The following CLYBL variants were observed in gnomAD, a reference collection of about 807,000 sequenced individuals.
The protein encoded by CLYBL is citramalyl-CoA lyase.
A neutral mutation model predicts 38.9 loss-of-function variants in CLYBL; 31 were observed. The observed-to-expected ratio is 0.80, with a 90% CI of 0.60 to 1.08. The LOEUF (loss-of-function observed/expected upper bound fraction) is 1.08. Among genes scored for constraint, CLYBL ranks in the 50% least tolerant of loss-of-function variants. CLYBL has a pLI of 0.00. For missense variants in CLYBL, 434 were observed against 411.6 expected (o/e 1.05, Z -0.47); for synonymous variants, 171 against 158.6 (o/e 1.08, Z -0.59).
chr13:99,627,568 T>C (rs2046888112), intron 1 of CLYBL, among the ~76,000 whole-genome samples: 1 of 152,248 alleles, frequency 6.6e-6, no homozygotes, highest in African/African-American at 2.4e-5. Flanking sequence ...AAGCCACTTA[T>C]GTGGCATTTT....
At chr13:99,754,427 A>AAAAAAAAAAC (rs1317476376) in intron 1 of CLYBL, among the ~76,000 whole-genome samples, 1 of 150,180 alleles carries the variant, frequency 6.7e-6, no homozygotes, top group Non-Finnish European at 1.5e-5. Context: ...AAAAAAAAAA[A>AAAAAAAAAAC]AAAAAAAAAA....
chr13:99,838,667 A>G (rs1789851139), intron 2 of CLYBL, among the ~76,000 whole-genome samples: 1 of 152,178 alleles, frequency 6.6e-6, no homozygotes, highest in African/African-American at 2.4e-5. Context: ...ACGGAGTCTC[A>G]TGCTGTCACC....
At chr13:99,800,197 G>T (rs12875247) in intron 2 of CLYBL, among the ~76,000 whole-genome samples, 49,545 of 152,058 alleles carry the variant, frequency 0.33, 8,932 homozygotes, top group Middle Eastern at 0.44. Context: ...GGAGTCTGGG[G>T]CTCAGGGCCA....
intron 2 of CLYBL, among the ~76,000 whole-genome samples, chr13:99,805,845 C>T (rs1369050815): frequency 6.6e-6 from 1 of 152,142 alleles, no homozygotes; most frequent in Non-Finnish European, 1.5e-5. Context: ...TTTTCCTTTG[C>T]TCCCTTTGCA....
chr13:99,765,103 A>G (rs1322832917), intron 1 of CLYBL, among the ~76,000 whole-genome samples: 1 of 148,158 alleles, frequency 6.7e-6, no homozygotes, highest in Non-Finnish European at 1.5e-5. Context: ...ATAACTCAAT[A>G]TTTAGTGTTT....
intron 2 of CLYBL, among the ~76,000 whole-genome samples, chr13:99,776,513 T>G (rs1411473234): frequency 5.5e-5 from 4 of 73,174 alleles, no homozygotes; most frequent in South Asian, 4.3e-4. Flanking sequence ...AAAAGTTGTT[T>G]TTTTTTTTTT....
At chr13:99,754,208 G>A (rs1175893375) in intron 1 of CLYBL, among the ~76,000 whole-genome samples, 1 of 150,640 alleles carries the variant, frequency 6.6e-6, no homozygotes, top group Non-Finnish European at 1.5e-5. Flanking sequence ...CCAGGAGTTC[G>A]AGACCAGCCT....
At chr13:99,752,746 A>G (rs2048981026) in intron 1 of CLYBL, among the ~76,000 whole-genome samples, 1 of 151,722 alleles carries the variant, frequency 6.6e-6, no homozygotes, top group African/African-American at 2.4e-5. Flanking sequence ...CAAAGGCCCC[A>G]CCTGCAGTAT....
chr13:99,678,122 A>G (rs2047680980), intron 1 of CLYBL, among the ~76,000 whole-genome samples: 1 of 152,258 alleles, frequency 6.6e-6, no homozygotes. Context: ...GGTAATGCAG[A>G]GTAAAAGGCA....
intron 1 of CLYBL, among the ~76,000 whole-genome samples, chr13:99,713,307 A>G: frequency 2.2e-5 from 3 of 138,968 alleles, no homozygotes; most frequent in East Asian, 4.2e-4. Flanking sequence ...TTTTAGTTCT[A>G]GGAGCTTTCT....
intron 1 of CLYBL, among the ~76,000 whole-genome samples, chr13:99,625,275 A>G (rs1433470914): frequency 1.3e-5 from 2 of 152,210 alleles, no homozygotes; most frequent in Non-Finnish European, 2.9e-5. Flanking sequence ...CAGACCTTGC[A>G]TGGCCCCACA....
At position 99,780,658 on chromosome 13, in the gene CLYBL, GAGCC is replaced by G. The variant is rs539647004; in HGVS notation, c.249+7650_249+7653del. Among the ~76,000 whole-genome samples the G allele has an allele frequency of 6.0e-5, 9 of 151,138 alleles. No homozygotes were observed. The South Asian group carries it at 1.7e-3, about 28-fold the overall frequency. On this transcript the variant is annotated intron_variant, in intron 2 of 8. Coordinates refer to ENST00000339105, the MANE Select transcript of CLYBL (RefSeq NM_206808.5). The stretch of plus-strand genomic sequence containing the variant: ...CCCAAAGTGCTGGGATTACAGGCAT[GAGCC>G]ACCATGCCCAGCCGACAATTTCTCT...
At chr13:99,758,348 T>G (rs1027798491) in intron 1 of CLYBL, among the ~76,000 whole-genome samples, 1 of 152,160 alleles carries the variant, frequency 6.6e-6, no homozygotes, top group Non-Finnish European at 1.5e-5. Flanking sequence ...AAAAGGTCCC[T>G]CTTTAGAGAG....
intron 2 of CLYBL, among the ~76,000 whole-genome samples, chr13:99,778,395 C>T (rs1371926686): frequency 6.6e-6 from 1 of 152,082 alleles, no homozygotes. Flanking sequence ...TTGCCTAATT[C>T]AGCTTTCTTG....
At chr13:99,749,478 C>T (rs563240131) in intron 1 of CLYBL, among the ~76,000 whole-genome samples, 5 of 152,280 alleles carry the variant, frequency 3.3e-5, no homozygotes, top group African/African-American at 1.2e-4. Flanking sequence ...CCAGGAACCC[C>T]ACAATAGCCA....
chr13:99,714,484 G>A (rs895405189), intron 1 of CLYBL, among the ~76,000 whole-genome samples: 1 of 151,534 alleles, frequency 6.6e-6, no homozygotes, highest in Non-Finnish European at 1.5e-5. Context: ...TGGTGTGGTG[G>A]CACACGCCTG....
intron 1 of CLYBL, among the ~76,000 whole-genome samples, chr13:99,613,460 T>C (rs965014036): frequency 9.9e-5 from 15 of 152,148 alleles, no homozygotes; most frequent in African/African-American, 3.1e-4. Flanking sequence ...AGGGTCCCAA[T>C]AGGCCTTTTG....
intron 2 of CLYBL, among the ~76,000 whole-genome samples, chr13:99,842,451 TC>T (rs1222507052): frequency 6.6e-6 from 1 of 152,204 alleles, no homozygotes; most frequent in Non-Finnish European, 1.5e-5. Flanking sequence ...ACAGGCTGCC[TC>T]TCGTTGTCTG....
In CLYBL at chr13:99,728,280, C is replaced by CT. The variant is rs55834602; in HGVS notation, c.63-44528dup. Reference sequence around the variant, plus strand: ...AATATACATATGTTTCTTTTCTTTTCTTTTTTTTTTTTTTTTGAGATGGAG... The same window carrying CT: ...AATATACATATGTTTCTTTTCTTTTCTTTTTTTTTTTTTTTTTGAGATGGAG... On this transcript the variant is annotated intron_variant, in intron 1 of 8. Coordinates refer to ENST00000339105, the MANE Select transcript of CLYBL (RefSeq NM_206808.5). Among the ~76,000 whole-genome samples, 397 of 107,620 alleles carry CT rather than the reference C, an allele frequency of 3.7e-3. 2 individuals are homozygous for CT. The highest frequency in any genetic ancestry group is 8.5e-3 in the Middle Eastern group (2 of 234). 70.6% of individuals were successfully genotyped at this position (107,620 alleles called of 152,430 possible).
Sources: gnomAD v4.1 joint callset for allele counts (sites outside exome capture counted in the v4.1 genomes callset) on GRCh38, gnomAD v4.1.1 for gene constraint, MANE v1.5 for transcripts, NCBI Gene and HGNC (gene_info 2026-07-23, HGNC 2026-07-21) for gene names.